SPNS3: variants seen among roughly 807,000 people sequenced by gnomAD.
The protein encoded by SPNS3 is protein spinster homolog 3.
A neutral mutation model predicts 54.4 loss-of-function variants in SPNS3; 51 were observed. That is an observed-to-expected ratio of 0.94 (90% CI 0.75 to 1.18). The LOEUF is 1.18. Ranked by LOEUF, SPNS3 falls within the 50% of genes most tolerant of loss-of-function variation. SPNS3 has a pLI of 0.00. For missense variants in SPNS3, 669 were observed against 677.4 expected, an observed-to-expected ratio of 0.99 and a Z score of 0.14; for synonymous variants, 309 against 294.7, an observed-to-expected ratio of 1.05 and a Z score of -0.50.
chr17:4,452,987 A>G (rs1971206197), intron 7 of SPNS3, 29 bp from the exon 8 acceptor site: 2 of 1,601,394 alleles, frequency 1.2e-6, no homozygotes, highest in Non-Finnish European at 1.7e-6. Flanking sequence ...CACCCAGCTG[A>G]CCAACCCTTC....
chr17:4,469,573 C>T (rs1247912442), intron 8 of SPNS3, among the ~76,000 whole-genome samples: 5 of 146,872 alleles, frequency 3.4e-5, no homozygotes, highest in African/African-American at 5.1e-5. Flanking sequence ...GAGCCAGGAT[C>T]GCGCCACTGC....
At chr17:4,471,574 TC>T (rs1229321303) in intron 8 of SPNS3, among the ~76,000 whole-genome samples, 3 of 151,898 alleles carry the variant, frequency 2.0e-5, no homozygotes, top group Non-Finnish European at 4.4e-5. Context: ...CAAGTGATCC[TC>T]CCACCTCAGC....
rs1171626566 is a variant in SPNS3, at chr17:4,472,139, G to A, written c.1114-6433G>A. On this transcript the variant is annotated intron_variant, in intron 8 of 11. Coordinates refer to ENST00000355530, the MANE Select transcript of SPNS3 (RefSeq NM_182538.5). ...CTCCCAAAGTGTTGGGATTACAGGC[G>A]TGAGCCACTGCGCCTGGCCAAGTTG... Among the ~76,000 whole-genome samples, 4 of 152,326 alleles carry A rather than the reference G, an allele frequency of 2.6e-5. No homozygotes were observed. The East Asian group carries it at 7.7e-4, about 29-fold the overall frequency.
chr17:4,436,846 G>A lies in SPNS3; in HGVS notation c.199+2680G>A, dbSNP rs373507126. 2.0e-5 allele frequency among the ~76,000 whole-genome samples: 3 copies of A among 152,334 alleles called. No individual in the cohort carries two copies. In the South Asian group the frequency reaches 6.2e-4, roughly 32 times the overall value. The stretch of plus-strand genomic sequence containing the variant: ...CAAAGCTGAGGAGGCCTGAGTTGGA[G>A]TGTGGGCCAAGGGCACGCAAAGGCG... On this transcript the variant is annotated intron_variant, in intron 1 of 11. Transcript: ENST00000355530.
chr17:4,458,617 C>CTTTCTTTCTTTCTTTCTTTCTTTCT (rs1567563949), intron 8 of SPNS3, among the ~76,000 whole-genome samples: 11 of 110,520 alleles, frequency 1.0e-4, no homozygotes, highest in African/African-American at 2.1e-4. Flanking sequence ...TTCTTTCTTT[C>CTTTCTTTCTTTCTTTCTTTCTTTCT]TTTCTTTCTT....
At position 4,448,286 on chromosome 17, in the gene SPNS3, C is replaced by T. The variant is rs1489254110; in HGVS notation, c.753C>T (p.Val251=). The T allele has an allele frequency of 6.4e-7, 1 of 1,571,314 alleles. No individual in the cohort carries two copies. Among genetic ancestry groups the T allele is most frequent in the Non-Finnish European group, 8.6e-7 (1 of 1,159,950 alleles). Reference sequence around the variant, plus strand: ...TCAGGAGCAGCTGGTGTGAGGACGTCAGATACCTGGGGAAAAAGTGAGTAT... The same window carrying T: ...TCAGGAGCAGCTGGTGTGAGGACGTTAGATACCTGGGGAAAAAGTGAGTAT... ...GGFRSSWCED[V]RYLGKNWSFV... Residue 251 remains valine, a synonymous_variant, in exon 6 of 12, where the codon GTC becomes GTT. Transcript: ENST00000355530.
At chr17:4,459,374 A>G (rs1971430977) in intron 8 of SPNS3, among the ~76,000 whole-genome samples, 1 of 152,114 alleles carries the variant, frequency 6.6e-6, no homozygotes, top group African/African-American at 2.4e-5. Flanking sequence ...TATTCAACCA[A>G]TATTTATTGA....
At chr17:4,466,666 A>ACCCTGCCTCT (rs1204519878) in intron 8 of SPNS3, among the ~76,000 whole-genome samples, 1 of 151,230 alleles carries the variant, frequency 6.6e-6, no homozygotes, top group Non-Finnish European at 1.5e-5. Context: ...ACATGGTGAA[A>ACCCTGCCTCT]CCCTGCCTCT....
chr17:4,476,264 T>C (rs1971997698), intron 8 of SPNS3, among the ~76,000 whole-genome samples: 1 of 152,154 alleles, frequency 6.6e-6, no homozygotes, highest in South Asian at 2.1e-4. Context: ...TCCAGGTGTG[T>C]CTGAGGAGAC....
intron 8 of SPNS3, among the ~76,000 whole-genome samples, chr17:4,463,625 G>A (rs2144129467): frequency 6.6e-6 from 1 of 151,202 alleles, no homozygotes; most frequent in South Asian, 2.1e-4. Context: ...TTTAATCCCA[G>A]CTACTTTGGA....
At chr17:4,440,733 G>A (rs1418399280) in intron 2 of SPNS3, among the ~76,000 whole-genome samples, 3 of 152,124 alleles carry the variant, frequency 2.0e-5, no homozygotes, top group Admixed American at 1.3e-4. Context: ...AGGCCCCTGC[G>A]TGGATGCTCG....
intron 8 of SPNS3, among the ~76,000 whole-genome samples, chr17:4,477,856 G>A (rs1446984120): frequency 3.9e-5 from 6 of 152,250 alleles, no homozygotes; most frequent in East Asian, 3.9e-4. Flanking sequence ...GCTGGCACAC[G>A]GTAGGTGCCT....
At chr17:4,434,257 C>T in intron 1 of SPNS3, 91 bp downstream of exon 1, 1 of 1,262,392 alleles carries the variant, frequency 7.9e-7, no homozygotes, top group Non-Finnish European at 1.1e-6. Flanking sequence ...AGCCATCACC[C>T]ATCTTTCTGC....
intron 8 of SPNS3, among the ~76,000 whole-genome samples, chr17:4,465,189 T>A (rs1300397228): frequency 6.6e-6 from 1 of 152,146 alleles, no homozygotes; most frequent in Non-Finnish European, 1.5e-5. Context: ...TCGATTCAGC[T>A]GTTGACTGAG....
At chr17:4,442,665 C>A (rs1303136601) in intron 2 of SPNS3, among the ~76,000 whole-genome samples, 1 of 152,202 alleles carries the variant, frequency 6.6e-6, no homozygotes, top group African/African-American at 2.4e-5. Flanking sequence ...CTAACACTGA[C>A]TTGGCCCTTA....
intron 3 of SPNS3, among the ~76,000 whole-genome samples, chr17:4,445,790 C>T (rs1026516287): frequency 6.6e-6 from 1 of 152,022 alleles, no homozygotes; most frequent in Admixed American, 6.6e-5. Flanking sequence ...CAGCTGCTGT[C>T]TTGGGGAACT....
In SPNS3 at chr17:4,448,370, C is replaced by T. The variant is rs922703282; in HGVS notation, c.770+67C>T. On this transcript the variant is annotated intron_variant, in intron 6 of 11. Transcript: ENST00000355530. The stretch of plus-strand genomic sequence containing the variant: ...GTTTGTCTGCCCCAGCATCATTGAC[C>T]CCCTCTCTCCACCTCCAGGGAGCCC... 5.7e-6 allele frequency: 8 copies of T among 1,392,402 alleles called. No individual in the cohort carries two copies. The Admixed American group carries it at 1.3e-4, about 22-fold the overall frequency. The allele number at this position is 1,392,402 out of a possible 1,614,324, so 86.3% of individuals were successfully genotyped here. A position where few individuals can be genotyped will look rare whatever the true frequency, so the allele number is the denominator to read the frequency against.
Position 4,486,623 on chromosome 17 carries a change from A to G in SPNS3, c.1450+40A>G. 6.4e-7 allele frequency: 1 copy of G among 1,571,510 alleles called. No individual in the cohort carries two copies. Among genetic ancestry groups the G allele is most frequent in the Admixed American group, 1.9e-5 (1 of 53,790 alleles). The stretch of plus-strand genomic sequence containing the variant: ...GCACCAGGCCCGGCTCAGGGCCGGC[A>G]CCCTAGGGACAGACAGCACTGGCCA... On this transcript the variant is annotated intron_variant, in intron 11 of 11. Transcript: ENST00000355530. The surrounding 1 kb of genome is among the most constrained non-coding windows in gnomAD (Gnocchi z 5.5).
rs1469838022 is a variant in SPNS3, at chr17:4,486,637, C to T, written c.1450+54C>T. 6.5e-6 allele frequency: 10 copies of T among 1,530,058 alleles called. No individual in the cohort carries two copies. Among genetic ancestry groups the T allele is most frequent in the Non-Finnish European group, 8.0e-6 (9 of 1,130,486 alleles). The allele number at this position is 1,530,058 out of a possible 1,614,324, so 94.8% of individuals were successfully genotyped here. On this transcript the variant is annotated intron_variant, in intron 11 of 11. Coordinates refer to ENST00000355530, the MANE Select transcript of SPNS3 (RefSeq NM_182538.5). This position sits in a 1 kb window ranked among gnomAD's most constrained non-coding sequence, Gnocchi z 5.5. ...TCAGGGCCGGCACCCTAGGGACAGA[C>T]AGCACTGGCCACCCCCTGAATCCCT...
Sources: gnomAD v4.1 joint callset for allele counts (sites outside exome capture counted in the v4.1 genomes callset) on GRCh38, gnomAD v4.1.1 for gene constraint, Gnocchi (gnomAD v3.1) non-coding constraint, MANE v1.5 for transcripts, NCBI Gene and HGNC (gene_info 2026-07-23, HGNC 2026-07-21) for gene names.